Variants in BTD observed in about 807,000 individuals in gnomAD.
BTD encodes biotinidase.
In BTD, 13 loss-of-function variants were observed where a neutral mutation model predicts 17.7. The ratio of observed to expected loss-of-function variants is 0.74; its 90% CI spans 0.48 to 1.17. BTD has a LOEUF of 1.17. Among genes scored for constraint, BTD ranks in the 50% most tolerant of loss-of-function variants. The probability of loss-of-function intolerance (pLI) is 0.00; values close to 1 mark genes in which losing one functional copy is unlikely to be tolerated. For synonymous variants in BTD, 240 were observed against 245.2 expected (o/e 0.98, Z 0.20); for missense variants, 674 against 650.4 (o/e 1.04, Z -0.39).
intron 3 of BTD, among the ~76,000 whole-genome samples, chr3:15,673,948 G>C (rs2066640048): frequency 1.3e-5 from 2 of 151,796 alleles, no homozygotes; most frequent in African/African-American, 2.4e-5. Context: ...GGCTGAGGTG[G>C]GGGGATTGCT....
At chr3:15,713,854 T>A (rs2072649799), downstream of BTD, among the ~76,000 whole-genome samples, 1 of 152,208 alleles carries the variant, frequency 6.6e-6, no homozygotes, top group Non-Finnish European at 1.5e-5. Flanking sequence ...AAGATTTTAG[T>A]AGATTTTTAA....
chr3:15,694,053 C>T (rs901261845), intron 3 of BTD, among the ~76,000 whole-genome samples: 1 of 151,978 alleles, frequency 6.6e-6, no homozygotes, highest in African/African-American at 2.4e-5. Flanking sequence ...TCTCAAAGTA[C>T]CCCCTTCCCT....
At chr3:15,690,120 G>A in intron 3 of BTD, 1 of 1,611,508 alleles carries the variant, frequency 6.2e-7, no homozygotes, top group South Asian at 1.1e-5. Context: ...GCCCTTAAAA[G>A]CTGCAAGATC....
intron 3 of BTD, chr3:15,670,287 C>T: frequency 6.2e-7 from 1 of 1,613,328 alleles, no homozygotes; most frequent in Non-Finnish European, 8.5e-7. Flanking sequence ...GTCTCAGAAT[C>T]GGAGTCGTTG....
chr3:15,675,995 G>A, intron 3 of BTD: 1 of 1,609,124 alleles, frequency 6.2e-7, no homozygotes, highest in Non-Finnish European at 8.5e-7. Flanking sequence ...GAGGTCTAGG[G>A]GAAAAAACAT....
chr3:15,601,949 A>G, intron 1 of BTD, 55 bp downstream of exon 1: 1 of 1,599,636 alleles, frequency 6.3e-7, no homozygotes, highest in East Asian at 2.2e-5. Context: ...CGTGCGGTCC[A>G]GACCCCGCCC....
At chr3:15,678,367 A>G in intron 3 of BTD, 1 of 1,582,588 alleles carries the variant, frequency 6.3e-7, no homozygotes, top group South Asian at 1.2e-5. Context: ...GTGATAAAGA[A>G]AAATTGAAAT....
In BTD at chr3:15,645,088, A is replaced by G; in HGVS notation, c.1172A>G (p.Lys391Arg). The G allele has an allele frequency of 6.2e-7, 1 of 1,614,194 alleles. No individual in the cohort carries two copies. Among genetic ancestry groups the G allele is most frequent in the Non-Finnish European group, 8.5e-7 (1 of 1,180,042 alleles). The change falls in exon 4 of 4, where the codon AAG becomes AGG. Residue 391 changes from lysine (K) to arginine (R), a missense_variant. Transcript: ENST00000643237. ...TTCACCCTGGTCCCTGTCTGGGGAA[A>G]GGAAGGCTATCTCCACGTCTGTTCC... ...DNFTLVPVWG[K>R]EGYLHVCSNG...
intron 3 of BTD, among the ~76,000 whole-genome samples, chr3:15,699,072 T>A (rs2070137681): frequency 6.6e-6 from 1 of 152,078 alleles, no homozygotes; most frequent in African/African-American, 2.4e-5. Flanking sequence ...AACAGAGGCC[T>A]CAGAAATAAC....
intron 3 of BTD, chr3:15,670,096 T>C: frequency 1.5e-6 from 1 of 652,350 alleles, no homozygotes; most frequent in Non-Finnish European, 2.5e-6. Context: ...AGAAGTTCCT[T>C]TTGTAAAACT....
Position 15,601,888 on chromosome 3 carries a change from A to T in BTD, c.-23A>T, listed in dbSNP as rs1337778814. On this transcript the variant is annotated 5_prime_UTR_variant, in exon 1 of 4. It adds an upstream start codon to the 5' untranslated region. Coordinates refer to ENST00000643237, the MANE Select transcript of BTD (RefSeq NM_001370658.1). ...CATATTCAGGGCGGAAGGCGCGCTAAGAGCAGGTACGGAGGGGGCGTGGTG... is the reference window on the plus strand; with the variant it reads ...CATATTCAGGGCGGAAGGCGCGCTATGAGCAGGTACGGAGGGGGCGTGGTG... 1.2e-6 allele frequency: 2 copies of T among 1,614,052 alleles called. No homozygotes were observed. Among genetic ancestry groups the T allele is most frequent in the Admixed American group, 3.3e-5 (2 of 60,026 alleles).
intron 3 of BTD, chr3:15,697,226 G>T (rs1397552807): frequency 2.0e-5 from 3 of 152,634 alleles, no homozygotes; most frequent in African/African-American, 7.2e-5. Context: ...TCATAAGTGG[G>T]AGCTATGAGG....
chr3:15,610,217 A>T (rs2064576043), intron 1 of BTD, among the ~76,000 whole-genome samples: 2 of 152,196 alleles, frequency 1.3e-5, no homozygotes, highest in African/African-American at 4.8e-5. Flanking sequence ...CCTGGAGGTT[A>T]GCTGGTTGTC....
At chr3:15,655,350 T>A (rs2065861216), downstream of BTD, among the ~76,000 whole-genome samples, 1 of 151,898 alleles carries the variant, frequency 6.6e-6, no homozygotes, top group Admixed American at 6.5e-5. Flanking sequence ...TATAAATGAA[T>A]CTGAAAAGGG....
chr3:15,622,678 C>T (rs1574994154), intron 1 of BTD, among the ~76,000 whole-genome samples: 1 of 152,202 alleles, frequency 6.6e-6, no homozygotes, highest in South Asian at 2.1e-4. Context: ...ATAGTGGATA[C>T]ATCTGTTTCT....
chr3:15,710,750 A>C (rs534181390), exon 4 of BTD, among the ~76,000 whole-genome samples: 26 of 152,220 alleles, frequency 1.7e-4, no homozygotes, highest in African/African-American at 5.8e-4. Context: ...TACTATTTAA[A>C]ACTTAGTCCA....
chr3:15,636,268 T>G (rs1279347961), intron 2 of BTD, among the ~76,000 whole-genome samples: 1 of 152,196 alleles, frequency 6.6e-6, no homozygotes, highest in African/African-American at 2.4e-5. Flanking sequence ...TCAGACTGTT[T>G]GAGGCTCGTT....
At chr3:15,721,255 A>AGTC in intron 4 of BTD, 2 of 753,240 alleles carry the variant, frequency 2.7e-6, no homozygotes, top group Non-Finnish European at 4.4e-6. Flanking sequence ...ATAAGTACAG[A>AGTC]GATAAGGCTT....
At chr3:15,687,929 A>G (rs917205631) in intron 3 of BTD, among the ~76,000 whole-genome samples, 2 of 152,218 alleles carry the variant, frequency 1.3e-5, no homozygotes, top group African/African-American at 4.8e-5. Flanking sequence ...ATGACTGGTA[A>G]ACCTCCAGGA....
Sources: allele counts gnomAD v4.1 joint callset (sites outside exome capture counted in the v4.1 genomes callset), GRCh38; gene constraint gnomAD v4.1.1; transcripts MANE v1.5; gene names NCBI Gene and HGNC (gene_info 2026-07-23, HGNC 2026-07-21).